Variants in CCDC178 observed in about 807,000 individuals in gnomAD.
The protein encoded by CCDC178 is coiled-coil domain containing 178.
A neutral mutation model predicts 117.4 loss-of-function variants in CCDC178; 126 were observed. The ratio of observed to expected loss-of-function variants is 1.07; its 90% CI spans 0.93 to 1.24. The LOEUF (loss-of-function observed/expected upper bound fraction) is 1.24, where lower values mean the gene tolerates loss of function less well. Among genes scored for constraint, CCDC178 ranks in the 50% most tolerant of loss-of-function variants. CCDC178 has a pLI of 0.00. For missense variants in CCDC178, 1,030 were observed against 986.9 expected, an observed-to-expected ratio of 1.04 and a Z score of -0.59; for synonymous variants, 283 against 313.4, an observed-to-expected ratio of 0.90 and a Z score of 1.02.
chr18:33,096,776 T>A lies in CCDC178; in HGVS notation c.2239-3866A>T, dbSNP rs150292930. Among the ~76,000 whole-genome samples the A allele has an allele frequency of 1.1e-3, 162 of 152,164 alleles. 1 individual carries two copies. Among genetic ancestry groups the A allele is most frequent in the Middle Eastern group, 3.4e-3 (1 of 294 alleles). On this transcript the variant is annotated intron_variant, in intron 20 of 22. Transcript: ENST00000383096. ...GGAAACCATTCCACTTCCACTCTAG[T>A]ATTAGTTATACTGTGTTACATTAGC...
chr18:33,305,011 G>T (rs2062229172), intron 11 of CCDC178, among the ~76,000 whole-genome samples: 1 of 152,142 alleles, frequency 6.6e-6, no homozygotes, highest in Non-Finnish European at 1.5e-5. Flanking sequence ...CTTCTTATCA[G>T]TTCTGTGTTC....
At chr18:33,433,216 T>A (rs531910769) in intron 2 of CCDC178, among the ~76,000 whole-genome samples, 2 of 152,310 alleles carry the variant, frequency 1.3e-5, no homozygotes, top group East Asian at 3.9e-4. Context: ...TGCAAAAGGA[T>A]ATCCATGCAT....
At chr18:32,961,742 G>A (rs1294625609) in intron 22 of CCDC178, among the ~76,000 whole-genome samples, 1 of 152,060 alleles carries the variant, frequency 6.6e-6, no homozygotes, top group Non-Finnish European at 1.5e-5. Context: ...CCATTGATCT[G>A]ACAGGAGGCG....
Position 33,310,546 on chromosome 18 carries a change from C to CAT in CCDC178, c.1022+12943_1022+12944dup, listed in dbSNP as rs2062326595. 2.6e-5 allele frequency among the ~76,000 whole-genome samples: 4 copies of CAT among 151,886 alleles called. No individual in the cohort carries two copies. In the South Asian group the frequency reaches 8.3e-4, roughly 32 times the overall value. ...CTACAAGAAACAAAAATTAGCCAGG[C>CAT]ATAGTGGCACATGCCTGTAATCCCA... On this transcript the variant is annotated intron_variant, in intron 11 of 22. Coordinates refer to ENST00000383096, the MANE Select transcript of CCDC178 (RefSeq NM_001105528.4).
At chr18:32,993,125 C>A (rs2144747579) in intron 21 of CCDC178, among the ~76,000 whole-genome samples, 1 of 152,110 alleles carries the variant, frequency 6.6e-6, no homozygotes, top group Admixed American at 6.5e-5. Flanking sequence ...GAGATCATAC[C>A]ACTGCACTCC....
intron 12 of CCDC178, among the ~76,000 whole-genome samples, chr18:33,284,245 G>A (rs1455897042): frequency 6.6e-6 from 1 of 152,084 alleles, no homozygotes; most frequent in Non-Finnish European, 1.5e-5. Context: ...CACACATTGG[G>A]ACCTATCAGA....
chr18:33,162,404 T>C (rs1037025470), intron 20 of CCDC178, among the ~76,000 whole-genome samples: 2 of 152,186 alleles, frequency 1.3e-5, no homozygotes, highest in Non-Finnish European at 2.9e-5. Flanking sequence ...GCTGAAATAT[T>C]CTCAACATAA....
intron 8 of CCDC178, among the ~76,000 whole-genome samples, chr18:33,347,354 A>G (rs1220564363): frequency 6.6e-6 from 1 of 152,178 alleles, no homozygotes; most frequent in African/African-American, 2.4e-5. Flanking sequence ...GGAGTATTAA[A>G]TAACGGTGAT....
intron 22 of CCDC178, among the ~76,000 whole-genome samples, chr18:32,970,298 A>C (rs2054898803): frequency 6.6e-6 from 1 of 152,066 alleles, no homozygotes; most frequent in East Asian, 1.9e-4. Context: ...GAATTGTTCC[A>C]AGGCCAAGGA....
chr18:32,982,436 T>C (rs1385719837), intron 21 of CCDC178, among the ~76,000 whole-genome samples: 1 of 152,130 alleles, frequency 6.6e-6, no homozygotes, highest in Non-Finnish European at 1.5e-5. Context: ...ACAAAGATGA[T>C]AGTAACTGGC....
At chr18:33,188,596 AG>A (rs1245062502) in intron 20 of CCDC178, among the ~76,000 whole-genome samples, 1 of 152,114 alleles carries the variant, frequency 6.6e-6, no homozygotes, top group Non-Finnish European at 1.5e-5. Flanking sequence ...GGCCAGAAAA[AG>A]GTCTCTAGGA....
Position 33,378,444 on chromosome 18 carries a change from C to T in CCDC178, c.209-8255G>A, listed in dbSNP as rs2063392626. Among the ~76,000 whole-genome samples the T allele has an allele frequency of 3.3e-5, 5 of 152,052 alleles. No homozygotes were observed. The South Asian group carries it at 1.0e-3, about 32-fold the overall frequency. ...GATGCCTTTTATTTCTTTCTCTCAC[C>T]TGATTGCTATGGCAAGGACTTCCAA... On this transcript the variant is annotated intron_variant, in intron 5 of 22. Transcript: ENST00000383096.
At chr18:33,348,733 C>T (rs10853425) in intron 8 of CCDC178, among the ~76,000 whole-genome samples, 157 bp downstream of exon 8, 42,419 of 151,526 alleles carry the variant, frequency 0.28, 6,250 homozygotes, top group East Asian at 0.48. Context: ...TGAATGAATG[C>T]TTAATCAAAT....
chr18:33,290,621 T>C (rs1212465074), intron 12 of CCDC178, among the ~76,000 whole-genome samples: 1 of 151,954 alleles, frequency 6.6e-6, no homozygotes, highest in East Asian at 1.9e-4. Flanking sequence ...CTGAAACCTA[T>C]ATGGAAGGGC....
intron 20 of CCDC178, among the ~76,000 whole-genome samples, chr18:33,096,331 T>C (rs1261196969): frequency 3.7e-5 from 4 of 108,866 alleles, no homozygotes; most frequent in Non-Finnish European, 7.0e-5. Context: ...TATATAAAAA[T>C]ATAAAATTTT....
At chr18:32,941,603 A>G (rs561559680) in intron 22 of CCDC178, among the ~76,000 whole-genome samples, 84 of 152,192 alleles carry the variant, frequency 5.5e-4, no homozygotes, top group Non-Finnish European at 1.0e-3. Context: ...AGACTCTTTC[A>G]AAGAAATCTA....
chr18:33,114,947 T>C (rs1030638875), intron 20 of CCDC178, among the ~76,000 whole-genome samples: 2 of 151,886 alleles, frequency 1.3e-5, no homozygotes, highest in Non-Finnish European at 2.9e-5. Flanking sequence ...GATTTACAGG[T>C]CAAAAAATAG....
At chr18:33,049,825 G>A (rs773296807) in intron 21 of CCDC178, among the ~76,000 whole-genome samples, 1 of 151,868 alleles carries the variant, frequency 6.6e-6, no homozygotes, top group Non-Finnish European at 1.5e-5. Flanking sequence ...GCTCATGCCT[G>A]TAATCCCAGC....
chr18:33,176,735 A>T (rs1385169647), intron 20 of CCDC178, among the ~76,000 whole-genome samples: 2 of 151,946 alleles, frequency 1.3e-5, no homozygotes, highest in Non-Finnish European at 2.9e-5. Flanking sequence ...TTTTTGTTTC[A>T]TATTTGTGTT....
Sources: allele counts gnomAD v4.1 joint callset (sites outside exome capture counted in the v4.1 genomes callset), GRCh38; gene constraint gnomAD v4.1.1; transcripts MANE v1.5; gene names NCBI Gene and HGNC (gene_info 2026-07-23, HGNC 2026-07-21).